The following GALNT15 variants were observed in gnomAD, a reference collection of about 807,000 sequenced individuals.
GALNT15 encodes the protein polypeptide N-acetylgalactosaminyltransferase 15, also known as UDP-GalNAc transferase T15.
GALNT15 carries 67 observed loss-of-function variants against 66.8 expected under a neutral mutation model. That is an observed-to-expected ratio of 1.00 (90% CI 0.82 to 1.23). The LOEUF (loss-of-function observed/expected upper bound fraction) is 1.23, where lower values mean the gene tolerates loss of function less well. Ranked by LOEUF, GALNT15 falls within the 50% of genes most tolerant of loss-of-function variation. The probability of loss-of-function intolerance (pLI) is 0.00; values close to 1 mark genes in which losing one functional copy is unlikely to be tolerated. For missense variants in GALNT15, 827 were observed against 804.3 expected (o/e 1.03, Z -0.34); for synonymous variants, 313 against 311.5 (o/e 1.00, Z -0.05).
At chr3:16,236,103 T>TAAA, downstream of GALNT15, among the ~76,000 whole-genome samples, 1 of 1,882 alleles carries the variant, frequency 5.3e-4, no homozygotes, top group Admixed American at 0.01. Flanking sequence ...AGACTATGTC[T>TAAA]CAAAAAAAAA....
At chr3:16,241,868 T>C in the GALNT15 span, among the ~76,000 whole-genome samples, 1 of 152,140 alleles carries the variant, frequency 6.6e-6, no homozygotes, top group Non-Finnish European at 1.5e-5. The surrounding 1 kb of genome is among the most constrained non-coding windows in gnomAD (Gnocchi z 4.6). Flanking sequence ...CTATTATGGC[T>C]CATGATCAAC....
chr3:16,230,354 C>CA (rs1394474291), downstream of GALNT15, among the ~76,000 whole-genome samples: 16 of 152,102 alleles, frequency 1.1e-4, no homozygotes, highest in Admixed American at 9.8e-4. The surrounding 1 kb of genome is among the most constrained non-coding windows in gnomAD (Gnocchi z 4.5). Context: ...TTCAGAATTC[C>CA]AACTAACAAA....
rs1267390901 is a variant in GALNT15, at chr3:16,225,123, G to A, written c.1774-2231G>A. On this transcript the variant is annotated intron_variant, in intron 9 of 9. Coordinates refer to ENST00000339732, the MANE Select transcript of GALNT15 (RefSeq NM_054110.5). This position sits in a 1 kb window ranked among gnomAD's most constrained non-coding sequence, Gnocchi z 4.4. Reference sequence around the variant, plus strand: ...AGTGGGAGCAGGCATATCACATGGTGAAAGCAGGAACAAGAGAAAGAGAGT... The same window carrying A: ...AGTGGGAGCAGGCATATCACATGGTAAAAGCAGGAACAAGAGAAAGAGAGT... Among the ~76,000 whole-genome samples, 1 of 152,094 alleles carries A rather than the reference G, an allele frequency of 6.6e-6. No individual in the cohort carries two copies.
chr3:16,220,089 C>A, intron 8 of GALNT15, 75 bp downstream of exon 8: 2 of 1,092,516 alleles, frequency 1.8e-6, no homozygotes, highest in South Asian at 1.2e-5. Flanking sequence ...TCTGGGATGC[C>A]CCATACTTCC....
chr3:16,193,773 G>T lies in GALNT15; in HGVS notation c.540-1987G>T, dbSNP rs541897025. Among the ~76,000 whole-genome samples, 1 of 152,294 alleles carries T rather than the reference G, an allele frequency of 6.6e-6. No homozygotes were observed. The highest frequency in any genetic ancestry group is 1.5e-5 in the Non-Finnish European group (1 of 68,028). On this transcript the variant is annotated intron_variant, in intron 1 of 9. Coordinates refer to ENST00000339732, the MANE Select transcript of GALNT15 (RefSeq NM_054110.5). This position sits in a 1 kb window ranked among gnomAD's most constrained non-coding sequence, Gnocchi z 4.7. ...ATTCCTTTAGGTGTCCGAAGTTTGGGGTCCTTGAGATGGCTCCTATTCAAA... is the reference window on the plus strand; with the variant it reads ...ATTCCTTTAGGTGTCCGAAGTTTGGTGTCCTTGAGATGGCTCCTATTCAAA...
At chr3:16,178,469 G>A (rs1003076017) in intron 1 of GALNT15, among the ~76,000 whole-genome samples, 1 of 152,158 alleles carries the variant, frequency 6.6e-6, no homozygotes, top group Non-Finnish European at 1.5e-5. Flanking sequence ...GCTTGCCAGG[G>A]TTCTCACGGA....
At chr3:16,177,425 A>G (rs559677959) in intron 1 of GALNT15, among the ~76,000 whole-genome samples, 1 of 152,288 alleles carries the variant, frequency 6.6e-6, no homozygotes, top group African/African-American at 2.4e-5. Context: ...ATGTTCGTGC[A>G]TGTGTGTTGT....
In GALNT15 at chr3:16,229,519, C is replaced by G. The variant is rs1575003703; in HGVS notation, c.*2019C>G. 1 of 984,882 alleles carries G rather than the reference C, an allele frequency of 1.0e-6. No individual in the cohort carries two copies. The highest frequency in any genetic ancestry group is 1.2e-6 in the Non-Finnish European group (1 of 829,450). The allele number at this position is 984,882 out of a possible 1,614,324, so 61.0% of individuals were successfully genotyped here. A position where few individuals can be genotyped will look rare whatever the true frequency, so the allele number is the denominator to read the frequency against. On this transcript the variant is annotated 3_prime_UTR_variant, in exon 10 of 10. Coordinates refer to ENST00000339732, the MANE Select transcript of GALNT15 (RefSeq NM_054110.5). The stretch of plus-strand genomic sequence containing the variant: ...CTAGAGAAGAGACTTTAGTCACTGT[C>G]TTCTTGCTTCAGACCCATCTATATT...
chr3:16,212,788 T>A (rs2063831414), intron 6 of GALNT15, 25 bp downstream of exon 6: 1 of 1,604,072 alleles, frequency 6.2e-7, no homozygotes, highest in African/African-American at 1.3e-5. Flanking sequence ...AAGTGGGGCT[T>A]CTGTGTCCAG....
chr3:16,206,607 A>T (rs1219221870), intron 3 of GALNT15, among the ~76,000 whole-genome samples: 1 of 140,232 alleles, frequency 7.1e-6, no homozygotes, highest in Non-Finnish European at 1.5e-5. Flanking sequence ...TGGGAGGCGG[A>T]GCTTGCAGTG....
At chr3:16,199,593 CAG>C (rs2063676904) in intron 2 of GALNT15, among the ~76,000 whole-genome samples, 1 of 127,032 alleles carries the variant, frequency 7.9e-6, no homozygotes, top group Admixed American at 8.2e-5. Flanking sequence ...GGTGTACTCT[CAG>C]GGGAAATCTG....
chr3:16,213,873 G>T (rs752208628), intron 6 of GALNT15, among the ~76,000 whole-genome samples: 1 of 152,206 alleles, frequency 6.6e-6, no homozygotes. Context: ...TCAGGGCGCT[G>T]CCTCCTCCCC....
In GALNT15 at chr3:16,200,273, C is replaced by A. The variant is rs772008240; in HGVS notation, c.707-346C>A. ...CGCCACATAGGGATTATGGGGATTA[C>A]CACTCAAGATGAGATCTGGGTGGGG... On this transcript the variant is annotated intron_variant, in intron 2 of 9. Coordinates refer to ENST00000339732, the MANE Select transcript of GALNT15 (RefSeq NM_054110.5). This position sits in a 1 kb window ranked among gnomAD's most constrained non-coding sequence, Gnocchi z 4.4. Among the ~76,000 whole-genome samples the A allele has an allele frequency of 3.9e-5, 6 of 152,204 alleles. No homozygotes were observed. Among genetic ancestry groups the A allele is most frequent in the African/African-American group, 1.4e-4 (6 of 41,448 alleles).
At position 16,189,107 on chromosome 3, in the gene GALNT15, C is replaced by T. The variant is rs2124850467; in HGVS notation, c.540-6653C>T. On this transcript the variant is annotated intron_variant, in intron 1 of 9. Coordinates refer to ENST00000339732, the MANE Select transcript of GALNT15 (RefSeq NM_054110.5). This position sits in a 1 kb window ranked among gnomAD's most constrained non-coding sequence, Gnocchi z 5.1. The stretch of plus-strand genomic sequence containing the variant: ...AACAACAACAAAAAAAGGAAGCCAC[C>T]AAAGCCACTGGATGAGCAAGAAGAT... Among the ~76,000 whole-genome samples the T allele has an allele frequency of 6.6e-6, 1 of 152,268 alleles. No homozygotes were observed. The highest frequency in any genetic ancestry group is 2.4e-5 in the African/African-American group (1 of 41,556).
In GALNT15 at chr3:16,176,106, C is replaced by T. The variant is rs13073218; in HGVS notation, c.539+416C>T. 0.031 allele frequency among the ~76,000 whole-genome samples: 4,746 copies of T among 152,336 alleles called. 116 individuals are homozygous for T. Among genetic ancestry groups the T allele is most frequent in the Non-Finnish European group, 0.05 (3,378 of 68,030 alleles). ...GAGCAGACATTTGCCAGTTCTAACA[C>T]TCTGACTCCACTACATTTTGATTTT... is the stretch of plus-strand genomic sequence containing the variant. On this transcript the variant is annotated intron_variant, in intron 1 of 9. Coordinates refer to ENST00000339732, the MANE Select transcript of GALNT15 (RefSeq NM_054110.5). The surrounding 1 kb of genome is among the most constrained non-coding windows in gnomAD (Gnocchi z 5.6).
At chr3:16,215,544 T>C (rs73818322) in intron 6 of GALNT15, among the ~76,000 whole-genome samples, 8,701 of 152,258 alleles carry the variant, frequency 0.057, 307 homozygotes, top group African/African-American at 0.083. Flanking sequence ...CCAGAAATAG[T>C]TGGACGTCCA....
chr3:16,212,898 A>G (rs981597636), intron 6 of GALNT15, 135 bp downstream of exon 6: 2 of 716,658 alleles, frequency 2.8e-6, no homozygotes, highest in Non-Finnish European at 4.5e-6. Flanking sequence ...ATGCTGCCCT[A>G]TTTTAAGTGG....
the GALNT15 span, among the ~76,000 whole-genome samples, chr3:16,237,799 T>C: frequency 6.6e-6 from 1 of 152,206 alleles, no homozygotes; most frequent in Non-Finnish European, 1.5e-5. This position sits in a 1 kb window ranked among gnomAD's most constrained non-coding sequence, Gnocchi z 4.2. Flanking sequence ...GTTTGTCTGA[T>C]GGTGGAGCCA....
chr3:16,237,453 C>T, the GALNT15 span, among the ~76,000 whole-genome samples: 1 of 152,244 alleles, frequency 6.6e-6, no homozygotes, highest in South Asian at 2.1e-4. This position sits in a 1 kb window ranked among gnomAD's most constrained non-coding sequence, Gnocchi z 4.2. Flanking sequence ...TCACCCTCCT[C>T]ACACTCATGG....
Sources: gnomAD v4.1 joint callset for allele counts (sites outside exome capture counted in the v4.1 genomes callset) on GRCh38, gnomAD v4.1.1 for gene constraint, Gnocchi (gnomAD v3.1) non-coding constraint, MANE v1.5 for transcripts, NCBI Gene and HGNC (gene_info 2026-07-23, HGNC 2026-07-21) for gene names.